The following FUT8 variants were observed in gnomAD, a reference collection of about 807,000 sequenced individuals.
FUT8 encodes the protein fucosyltransferase 8.
FUT8 carries 29 observed loss-of-function variants against 71.3 expected under a neutral mutation model. The observed-to-expected ratio is 0.41, with a 90% CI of 0.30 to 0.55. The LOEUF (loss-of-function observed/expected upper bound fraction) is 0.55, where lower values mean the gene tolerates loss of function less well. Among genes scored for constraint, FUT8 ranks in the 20% least tolerant of loss-of-function variants. The pLI, the probability that FUT8 is intolerant of heterozygous loss-of-function variation, is 0.34. For synonymous variants in FUT8, 254 were observed against 239.3 expected, an observed-to-expected ratio of 1.06 and a Z score of -0.57; for missense variants, 544 against 702.1, an observed-to-expected ratio of 0.77 and a Z score of 2.55.
At chr14:65,650,591 T>G (rs1255963075) in intron 6 of FUT8, among the ~76,000 whole-genome samples, 1 of 151,432 alleles carries the variant, frequency 6.6e-6, no homozygotes, top group Non-Finnish European at 1.5e-5. Flanking sequence ...AAAACGGCCC[T>G]CATGATCCAG....
At chr14:65,453,935 C>T (rs1023945397) in intron 1 of FUT8, among the ~76,000 whole-genome samples, 11 of 152,110 alleles carry the variant, frequency 7.2e-5, no homozygotes. Context: ...TTTGAATTTC[C>T]CTCTTGGCAA....
chr14:65,696,385 T>C (rs892901269), intron 7 of FUT8, among the ~76,000 whole-genome samples: 1 of 152,172 alleles, frequency 6.6e-6, no homozygotes, highest in African/African-American at 2.4e-5. Context: ...TCTATTCCAC[T>C]CTCTTCTTGC....
At position 65,711,577 on chromosome 14, in the gene FUT8, C is replaced by G. The variant is rs534606023; in HGVS notation, c.836-10198C>G. 3.9e-5 allele frequency among the ~76,000 whole-genome samples: 6 copies of G among 152,228 alleles called. No individual in the cohort carries two copies. In the South Asian group the frequency reaches 1.2e-3, roughly 32 times the overall value. ...ACTATATTTCTGATCATCTTCACCT[C>G]AAGGAAAGCACCCCAGTTTTCCTTA... On this transcript the variant is annotated intron_variant, in intron 7 of 10. Transcript: ENST00000673929.
chr14:65,602,349 A>T (rs1314286285), intron 3 of FUT8, among the ~76,000 whole-genome samples: 320 of 9,804 alleles, frequency 0.033, 6 homozygotes, highest in Admixed American at 0.21. Flanking sequence ...TCTCTCACAC[A>T]CACACACACA....
chr14:65,619,411 G>C (rs1312147520), intron 5 of FUT8, among the ~76,000 whole-genome samples: 1 of 152,104 alleles, frequency 6.6e-6, no homozygotes. Flanking sequence ...CTGGAATCTG[G>C]CTCCTGTTGT....
intron 2 of FUT8, among the ~76,000 whole-genome samples, chr14:65,546,771 A>C (rs1885007152): frequency 6.6e-6 from 1 of 150,902 alleles, no homozygotes; most frequent in South Asian, 2.1e-4. Flanking sequence ...ATTTTCTAGA[A>C]CTCTTTGTGT....
At chr14:65,618,051 A>ATATATGTATG (rs1555376254) in intron 5 of FUT8, among the ~76,000 whole-genome samples, 54 of 84,262 alleles carry the variant, frequency 6.4e-4, no homozygotes, top group East Asian at 1.5e-3. Flanking sequence ...ATATATATAT[A>ATATATGTATG]TATGTATGTA....
At chr14:65,633,234 T>C (rs1215081441) in intron 6 of FUT8, among the ~76,000 whole-genome samples, 2 of 152,228 alleles carry the variant, frequency 1.3e-5, no homozygotes, top group Non-Finnish European at 2.9e-5. Flanking sequence ...TTGGCCGGGC[T>C]GGTCTCCAGC....
At chr14:65,537,562 T>C (rs1268929605) in intron 2 of FUT8, among the ~76,000 whole-genome samples, 5 of 152,066 alleles carry the variant, frequency 3.3e-5, no homozygotes, top group African/African-American at 1.2e-4. Flanking sequence ...TAATTTTTTG[T>C]ATTTTTAGTA....
the FUT8 span, among the ~76,000 whole-genome samples, chr14:65,359,517 G>T: frequency 6.6e-6 from 1 of 151,940 alleles, no homozygotes; most frequent in Non-Finnish European, 1.5e-5. Context: ...CCTCCCCTCA[G>T]CTCTGGCAAC....
chr14:65,741,260 A>T (rs1896481795), intron 10 of FUT8, among the ~76,000 whole-genome samples: 1 of 151,912 alleles, frequency 6.6e-6, no homozygotes, highest in South Asian at 2.1e-4. Context: ...AATCAGGGTG[A>T]TGCATTTCCT....
intron 1 of FUT8, among the ~76,000 whole-genome samples, chr14:65,419,631 G>T (rs1359068543): frequency 6.6e-6 from 1 of 152,210 alleles, no homozygotes; most frequent in African/African-American, 2.4e-5. Flanking sequence ...AATGTCAAAA[G>T]ATTGTAATTT....
intron 1 of FUT8, among the ~76,000 whole-genome samples, chr14:65,423,477 T>A (rs1176629342): frequency 5.9e-5 from 9 of 152,008 alleles, no homozygotes; most frequent in African/African-American, 2.2e-4. Flanking sequence ...TTAGTCAGGA[T>A]GGTCTTGATC....
In FUT8 at chr14:65,607,899, C is replaced by T. The variant is rs1430555461; in HGVS notation, c.204-8079C>T. ...CCAACATGGTGAAACCCCGTCTCTA[C>T]GAAAAATACAAAAAAATTAGCTGGG... On this transcript the variant is annotated intron_variant, in intron 3 of 10. Coordinates refer to ENST00000673929, the MANE Select transcript of FUT8 (RefSeq NM_001371533.1). This position sits in a 1 kb window ranked among gnomAD's most constrained non-coding sequence, Gnocchi z 4.1. Among the ~76,000 whole-genome samples, 3 of 151,422 alleles carry T rather than the reference C, an allele frequency of 2.0e-5. No homozygotes were observed. Among genetic ancestry groups the T allele is most frequent in the East Asian group, 1.9e-4 (1 of 5,178 alleles).
intron 10 of FUT8, among the ~76,000 whole-genome samples, chr14:65,737,986 A>G (rs1896307598): frequency 6.6e-6 from 1 of 152,118 alleles, no homozygotes; most frequent in Non-Finnish European, 1.5e-5. Flanking sequence ...GGCTCATGAA[A>G]CAACAGTGGA....
chr14:65,361,803 C>CAAAT, the FUT8 span, among the ~76,000 whole-genome samples: 9,808 of 149,778 alleles, frequency 0.065, 701 homozygotes, highest in African/African-American at 0.18. Flanking sequence ...AACAAACAAA[C>CAAAT]AAACAAATAA....
chr14:65,738,484 A>G (rs987781162), intron 10 of FUT8, among the ~76,000 whole-genome samples: 2 of 151,996 alleles, frequency 1.3e-5, no homozygotes, highest in Admixed American at 1.3e-4. Flanking sequence ...GTTACCCATT[A>G]CTGTGTGCTT....
chr14:65,485,248 A>T (rs1021230326), intron 2 of FUT8, among the ~76,000 whole-genome samples: 2 of 152,110 alleles, frequency 1.3e-5, no homozygotes, highest in Non-Finnish European at 2.9e-5. Flanking sequence ...TGATTGCTTT[A>T]TTCATGTTTT....
intron 7 of FUT8, among the ~76,000 whole-genome samples, chr14:65,689,647 T>A (rs1354874486): frequency 6.6e-6 from 1 of 152,224 alleles, no homozygotes; most frequent in Non-Finnish European, 1.5e-5. Context: ...CAAGCAATTC[T>A]TCTGCCTCAG....
Sources: allele counts gnomAD v4.1 joint callset (sites outside exome capture counted in the v4.1 genomes callset), GRCh38; gene constraint gnomAD v4.1.1; non-coding constraint Gnocchi (gnomAD v3.1); transcripts MANE v1.5; gene names NCBI Gene and HGNC (gene_info 2026-07-23, HGNC 2026-07-21).